The following LHFPL3 variants were observed in gnomAD, a reference collection of about 807,000 sequenced individuals.
The protein encoded by LHFPL3 is LHFPL tetraspan subfamily member 3.
Under a neutral mutation model 19.3 loss-of-function variants are expected in LHFPL3, and 5 were observed. The observed-to-expected ratio is 0.26, with a 90% CI of 0.14 to 0.54. The LOEUF (loss-of-function observed/expected upper bound fraction) is 0.54, where lower values mean the gene tolerates loss of function less well. Ranked by LOEUF, LHFPL3 falls within the 20% of genes least tolerant of loss-of-function variation. The probability of loss-of-function intolerance (pLI) is 0.94; values close to 1 mark genes in which losing one functional copy is unlikely to be tolerated. For missense variants in LHFPL3, 249 were observed against 307.4 expected, an observed-to-expected ratio of 0.81 and a Z score of 1.42; for synonymous variants, 133 against 126.2, an observed-to-expected ratio of 1.05 and a Z score of -0.36.
chr7:104,546,828 A>T (rs547836276), intron 1 of LHFPL3, among the ~76,000 whole-genome samples: 62 of 152,328 alleles, frequency 4.1e-4, no homozygotes, highest in Admixed American at 3.9e-3. Context: ...GACCTTGAAC[A>T]TTACTCTGAG....
Position 104,809,733 on chromosome 7 carries a change from C to A in LHFPL3, c.682+72822C>A, listed in dbSNP as rs7357329. 9.6e-3 allele frequency among the ~76,000 whole-genome samples: 1,459 copies of A among 152,268 alleles called. 26 individuals are homozygous for A. The highest frequency in any genetic ancestry group is 0.032 in the African/African-American group (1,335 of 41,544). On this transcript the variant is annotated intron_variant, in intron 2 of 2. Coordinates refer to ENST00000424859, the MANE Select transcript of LHFPL3 (RefSeq NM_199000.3). The stretch of plus-strand genomic sequence containing the variant: ...AAGCAAGAGAAGACTCTTACCCATA[C>A]AGCACAGAGGAAGCTCATTGTACTG...
chr7:104,556,588 C>T (rs1789839587), intron 1 of LHFPL3, among the ~76,000 whole-genome samples: 1 of 152,210 alleles, frequency 6.6e-6, no homozygotes, highest in African/African-American at 2.4e-5. Flanking sequence ...TCCTCCTAAA[C>T]CTCCACTTCT....
At chr7:104,653,593 A>T (rs1792071487) in intron 1 of LHFPL3, among the ~76,000 whole-genome samples, 1 of 152,230 alleles carries the variant, frequency 6.6e-6, no homozygotes, top group Non-Finnish European at 1.5e-5. Context: ...TTCTTGGTTC[A>T]TGGGCCAGCC....
At chr7:104,733,428 T>C (rs1793742089) in intron 1 of LHFPL3, among the ~76,000 whole-genome samples, 2 of 152,248 alleles carry the variant, frequency 1.3e-5, no homozygotes, top group African/African-American at 4.8e-5. Flanking sequence ...CATATATATT[T>C]AGGATAGTTA....
At chr7:104,466,411 G>A (rs1170306227) in intron 1 of LHFPL3, among the ~76,000 whole-genome samples, 1 of 152,024 alleles carries the variant, frequency 6.6e-6, no homozygotes, top group Non-Finnish European at 1.5e-5. Context: ...TGTAAAAAAT[G>A]ATAACATTGG....
intron 1 of LHFPL3, among the ~76,000 whole-genome samples, chr7:104,648,181 G>A (rs1221927268): frequency 6.6e-6 from 1 of 152,190 alleles, no homozygotes; most frequent in African/African-American, 2.4e-5. Flanking sequence ...TACGTAGGAA[G>A]CCAGTGGCCA....
At chr7:104,732,332 C>A (rs1198098148) in intron 1 of LHFPL3, among the ~76,000 whole-genome samples, 1 of 152,096 alleles carries the variant, frequency 6.6e-6, no homozygotes, top group Non-Finnish European at 1.5e-5. Context: ...TGGTAGAATT[C>A]GGCTGTGAAT....
rs191825480 is a variant in LHFPL3 at position 104,604,671 on chromosome 7, C to T, written c.446-132004C>T. On this transcript the variant is annotated intron_variant, in intron 1 of 2. Transcript: ENST00000424859. The stretch of plus-strand genomic sequence containing the variant: ...TTAAAGTGCTGGAATTCTAATCTAC[C>T]CAAGTTGGCAGGAACTCTGAAATAA... Among the ~76,000 whole-genome samples the T allele has an allele frequency of 8.3e-4, 127 of 152,192 alleles. 1 individual carries two copies. The highest frequency in any genetic ancestry group is 6.5e-5 in the Admixed American group (1 of 15,286).
At chr7:104,597,501 A>G (rs73411763) in intron 1 of LHFPL3, among the ~76,000 whole-genome samples, 1,782 of 152,298 alleles carry the variant, frequency 0.012, 39 homozygotes, top group African/African-American at 0.041. Context: ...TGTTCTTACT[A>G]TATTATACAT....
At chr7:104,366,866 T>C (rs1328987975) in intron 1 of LHFPL3, among the ~76,000 whole-genome samples, 1 of 152,150 alleles carries the variant, frequency 6.6e-6, no homozygotes. Flanking sequence ...AGTTTATTTG[T>C]GGATTGCTGA....
chr7:104,694,040 C>T (rs571808380), intron 1 of LHFPL3, among the ~76,000 whole-genome samples: 1 of 152,310 alleles, frequency 6.6e-6, no homozygotes, highest in African/African-American at 2.4e-5. Flanking sequence ...TAAGCTAGGT[C>T]TGCTGACAGG....
At chr7:104,880,608 G>A (rs1484763386) in intron 2 of LHFPL3, among the ~76,000 whole-genome samples, 1 of 151,692 alleles carries the variant, frequency 6.6e-6, no homozygotes, top group Non-Finnish European at 1.5e-5. Context: ...CTGGGTGACA[G>A]CACATCTCTT....
intron 1 of LHFPL3, among the ~76,000 whole-genome samples, chr7:104,437,643 T>C (rs550267375): frequency 1.3e-5 from 2 of 152,302 alleles, no homozygotes; most frequent in Middle Eastern, 6.8e-3. Flanking sequence ...CTAGAGTGGC[T>C]CACAGAGCTC....
intron 2 of LHFPL3, among the ~76,000 whole-genome samples, chr7:104,878,741 A>G (rs1190872398): frequency 1.3e-5 from 2 of 152,214 alleles, no homozygotes; most frequent in Admixed American, 1.3e-4. Context: ...CTGAGACAGG[A>G]TAAAAGCTAG....
At chr7:104,638,771 T>G (rs1791777290) in intron 1 of LHFPL3, among the ~76,000 whole-genome samples, 1 of 151,592 alleles carries the variant, frequency 6.6e-6, no homozygotes, top group South Asian at 2.1e-4. Context: ...AGCTTTTTTT[T>G]TTTTTTCTTG....
At chr7:104,411,521 C>A (rs1686736282) in intron 1 of LHFPL3, among the ~76,000 whole-genome samples, 2 of 151,912 alleles carry the variant, frequency 1.3e-5, no homozygotes. Flanking sequence ...CTTTAAGGGC[C>A]CTACCCTTCT....
intron 2 of LHFPL3, among the ~76,000 whole-genome samples, chr7:104,857,463 A>C (rs1236349805): frequency 1.3e-5 from 2 of 152,234 alleles, no homozygotes; most frequent in Non-Finnish European, 2.9e-5. Context: ...ATACAAGATG[A>C]ATAAATGTGT....
chr7:104,333,035 T>C (rs1460792294), intron 1 of LHFPL3, among the ~76,000 whole-genome samples: 1 of 151,930 alleles, frequency 6.6e-6, no homozygotes, highest in African/African-American at 2.4e-5. Flanking sequence ...GGTAATAAAG[T>C]CCAGATTTTT....
At chr7:104,500,054 A>G (rs915453350) in intron 1 of LHFPL3, among the ~76,000 whole-genome samples, 1 of 152,206 alleles carries the variant, frequency 6.6e-6, no homozygotes, top group Non-Finnish European at 1.5e-5. Context: ...GTGACTATGC[A>G]TTGCCTACTG....
Sources: allele counts gnomAD v4.1 joint callset (sites outside exome capture counted in the v4.1 genomes callset), GRCh38; gene constraint gnomAD v4.1.1; transcripts MANE v1.5; gene names NCBI Gene and HGNC (gene_info 2026-07-23, HGNC 2026-07-21).